The following SPECC1 variants were observed in gnomAD, a reference collection of about 807,000 sequenced individuals.
SPECC1 encodes the protein cytospin-B.
In SPECC1, 62 loss-of-function variants were observed where a neutral mutation model predicts 104.1. The ratio of observed to expected loss-of-function variants is 0.60; its 90% confidence interval spans 0.49 to 0.74. SPECC1 has a LOEUF of 0.74. Among genes scored for constraint, SPECC1 ranks in the 30% least tolerant of loss-of-function variants. The pLI is 0.00. For synonymous variants in SPECC1, 513 were observed against 501.6 expected, an observed-to-expected ratio of 1.02 and a Z score of -0.30; for missense variants, 1,306 against 1,310.5, an observed-to-expected ratio of 1.00 and a Z score of 0.05.
chr17:20,187,329 C>T (rs905207103), intron 3 of SPECC1, among the ~76,000 whole-genome samples: 1 of 152,142 alleles, frequency 6.6e-6, no homozygotes, highest in Admixed American at 6.5e-5. Context: ...CTAATTCCCA[C>T]TTTAAAGTGA....
At chr17:20,220,193 A>T (rs2037782618) in intron 4 of SPECC1, among the ~76,000 whole-genome samples, 2 of 151,608 alleles carry the variant, frequency 1.3e-5, no homozygotes, top group Admixed American at 6.6e-5. Context: ...TTTAGGATTT[A>T]AAAAAAATTA....
At chr17:20,282,033 A>T (rs1166572140) in intron 12 of SPECC1, among the ~76,000 whole-genome samples, 1 of 152,212 alleles carries the variant, frequency 6.6e-6, no homozygotes. Flanking sequence ...GTTGGGCTGG[A>T]GGAAGTGGAC....
At chr17:20,156,283 C>G (rs753159799) in intron 3 of SPECC1, 51 of 1,326,880 alleles carry the variant, frequency 3.8e-5, no homozygotes, top group Middle Eastern at 5.4e-4. Context: ...ACCCCACCCC[C>G]CCTCCAGGCG....
chr17:20,235,544 G>T (rs2151494011), intron 7 of SPECC1, among the ~76,000 whole-genome samples: 1 of 152,246 alleles, frequency 6.6e-6, no homozygotes, highest in East Asian at 1.9e-4. Context: ...GATATATTGT[G>T]CCGCATACAA....
intron 4 of SPECC1, among the ~76,000 whole-genome samples, chr17:20,219,488 A>G (rs1031207210): frequency 2.0e-5 from 3 of 152,166 alleles, no homozygotes; most frequent in Non-Finnish European, 2.9e-5. Flanking sequence ...AAGAATGTCT[A>G]GTAAGATCTT....
At chr17:20,254,872 T>A (rs2039767282) in intron 10 of SPECC1, among the ~76,000 whole-genome samples, 1 of 152,228 alleles carries the variant, frequency 6.6e-6, no homozygotes, top group Non-Finnish European at 1.5e-5. Flanking sequence ...CTTTCCCCTC[T>A]GAATCTTCTT....
intron 12 of SPECC1, among the ~76,000 whole-genome samples, chr17:20,294,477 G>A (rs1567613883): frequency 6.6e-6 from 1 of 152,118 alleles, no homozygotes; most frequent in Non-Finnish European, 1.5e-5. Flanking sequence ...GAAGAGTGTG[G>A]TAGGAAGAGC....
chr17:20,088,581 A>T (rs1242603629), intron 1 of SPECC1, among the ~76,000 whole-genome samples: 5 of 152,184 alleles, frequency 3.3e-5, no homozygotes, highest in Admixed American at 6.5e-5. Flanking sequence ...AAAGGAGGGG[A>T]TAAAACATTC....
intron 1 of SPECC1, among the ~76,000 whole-genome samples, chr17:20,084,972 G>T (rs1302458784): frequency 6.6e-6 from 1 of 152,228 alleles, no homozygotes. Flanking sequence ...CTGTGGTGTG[G>T]AAGCAGGTCT....
At chr17:20,274,145 T>C (rs889064502) in intron 12 of SPECC1, among the ~76,000 whole-genome samples, 5 of 152,328 alleles carry the variant, frequency 3.3e-5, no homozygotes, top group South Asian at 2.1e-4. Context: ...GTTTTATTTT[T>C]CCCCCAGATG....
chr17:20,258,838 A>C (rs768239850), intron 11 of SPECC1, among the ~76,000 whole-genome samples: 1 of 152,208 alleles, frequency 6.6e-6, no homozygotes, highest in Admixed American at 6.5e-5. Flanking sequence ...GGCGTCTTAC[A>C]CTTTTTTGGG....
intron 1 of SPECC1, among the ~76,000 whole-genome samples, chr17:20,012,278 T>C (rs2043969492): frequency 1.3e-5 from 2 of 152,168 alleles, no homozygotes; most frequent in Non-Finnish European, 2.9e-5. Context: ...TTATTGATGG[T>C]AATTCAGGTT....
At chr17:20,208,004 A>G (rs2036895367) in intron 4 of SPECC1, among the ~76,000 whole-genome samples, 1 of 152,180 alleles carries the variant, frequency 6.6e-6, no homozygotes, top group Non-Finnish European at 1.5e-5. Context: ...TTGGTTGATA[A>G]TGAAAGCATT....
chr17:20,289,679 C>T (rs776219052), intron 12 of SPECC1, among the ~76,000 whole-genome samples: 5 of 152,206 alleles, frequency 3.3e-5, no homozygotes, highest in Non-Finnish European at 2.9e-5. Flanking sequence ...GTGCACACGG[C>T]TTTGAATTGT....
At chr17:20,030,301 C>T (rs1027075022) in intron 1 of SPECC1, among the ~76,000 whole-genome samples, 1 of 151,910 alleles carries the variant, frequency 6.6e-6, no homozygotes, top group Non-Finnish European at 1.5e-5. Context: ...TAGTTAGATA[C>T]CAAAATGTTA....
intron 3 of SPECC1, among the ~76,000 whole-genome samples, chr17:20,131,151 A>C (rs936761811): frequency 6.6e-6 from 1 of 152,142 alleles, no homozygotes; most frequent in East Asian, 1.9e-4. Context: ...GGGATTTTTC[A>C]ATGTAAACAA....
chr17:20,105,251 C>T (rs1368181568), intron 2 of SPECC1, among the ~76,000 whole-genome samples: 1 of 152,142 alleles, frequency 6.6e-6, no homozygotes, highest in African/African-American at 2.4e-5. Context: ...TGCCACACCC[C>T]ACTAATTTTT....
intron 1 of SPECC1, among the ~76,000 whole-genome samples, chr17:20,048,334 T>C (rs2045617488): frequency 2.0e-5 from 3 of 151,950 alleles, no homozygotes; most frequent in South Asian, 2.1e-4. Flanking sequence ...TGGGTTTCAC[T>C]GTGTTAGCCA....
At chr17:20,136,292 C>T (rs150457898) in intron 3 of SPECC1, among the ~76,000 whole-genome samples, 32 of 152,050 alleles carry the variant, frequency 2.1e-4, no homozygotes, top group African/African-American at 7.5e-4. Flanking sequence ...GGCATAGTGG[C>T]GCACGTCTGT....
Sources: gnomAD v4.1 joint callset for allele counts (sites outside exome capture counted in the v4.1 genomes callset) on GRCh38, gnomAD v4.1.1 for gene constraint, MANE v1.5 for transcripts, NCBI Gene and HGNC (gene_info 2026-07-23, HGNC 2026-07-21) for gene names.